TSPAN7: variants seen among roughly 807,000 people sequenced by gnomAD.
TSPAN7 encodes the protein tetraspanin-7.
Under a neutral mutation model 17.6 loss-of-function variants are expected in TSPAN7, and 1 was observed. That is an observed-to-expected ratio of 0.06 (90% confidence interval 0.02 to 0.27). The LOEUF (loss-of-function observed/expected upper bound fraction) is 0.27, where lower values mean the gene tolerates loss of function less well. TSPAN7 is among the 10% of genes least tolerant of loss of function. The pLI is 1.00. For missense variants in TSPAN7, 112 were observed against 201.7 expected (o/e 0.56, Z 2.69); for synonymous variants, 78 against 79.0 (o/e 0.99, Z 0.07).
rs986561918 is a variant in TSPAN7, at chrX:38,682,799, G to A, written c.681+1512G>A. On this transcript the variant is annotated intron_variant, in intron 6 of 7. Transcript: ENST00000378482. ...TGCTACTCTGAAATTTCTTCTAGTT[G>A]CTATAATATTTCAATAATAATACTC... Among the ~76,000 whole-genome samples the A allele has an allele frequency of 4.5e-5, 5 of 111,819 alleles. No homozygotes were observed. The Admixed American group carries it at 4.7e-4, about 11-fold the overall frequency.
chrX:38,599,013 G>A (rs1319631963), intron 1 of TSPAN7, among the ~76,000 whole-genome samples: 1 of 111,685 alleles, frequency 9.0e-6, no homozygotes, highest in African/African-American at 3.2e-5. Context: ...TTCATACAAT[G>A]AGTAGTATAC....
chrX:38,573,755 G>A (rs1024934249), intron 1 of TSPAN7, among the ~76,000 whole-genome samples: 4 of 111,301 alleles, frequency 3.6e-5, no homozygotes, highest in African/African-American at 1.3e-4. Flanking sequence ...ATAGTTTTGA[G>A]GACTACTGCT....
chrX:38,572,125 C>T (rs2069172492), intron 1 of TSPAN7, among the ~76,000 whole-genome samples: 1 of 111,754 alleles, frequency 8.9e-6, no homozygotes, highest in Non-Finnish European at 1.9e-5. Flanking sequence ...GAATTCATTA[C>T]TTACCAAAGT....
intron 2 of TSPAN7, among the ~76,000 whole-genome samples, chrX:38,670,724 G>A (rs1451658511): frequency 8.9e-6 from 1 of 112,413 alleles, no homozygotes; most frequent in Non-Finnish European, 1.9e-5. Flanking sequence ...GAGACTACTG[G>A]AGGCGTTTGC....
At position 38,639,592 on chromosome X, in the gene TSPAN7, T is replaced by G. The variant is rs182066580; in HGVS notation, c.82-26529T>G. ...TGATTTCCTGCTCTCTGTACTCTTG[T>G]GGCACATGGTTGTCTCTCTCTTGGC... On this transcript the variant is annotated intron_variant, in intron 1 of 7. Transcript: ENST00000378482. Among the ~76,000 whole-genome samples, 480 of 105,786 alleles carry G rather than the reference T, an allele frequency of 4.5e-3. 2 individuals are homozygous for G. The highest frequency in any genetic ancestry group is 0.015 in the African/African-American group (437 of 28,833). 91.9% of individuals were successfully genotyped at this position (105,786 alleles called of 115,157 possible).
intron 1 of TSPAN7, among the ~76,000 whole-genome samples, chrX:38,644,438 A>C (rs1255246739): frequency 8.9e-6 from 1 of 111,922 alleles, no homozygotes; most frequent in Admixed American, 9.5e-5. Flanking sequence ...TATCTTTTGC[A>C]TTTCCTTAAT....
intron 6 of TSPAN7, among the ~76,000 whole-genome samples, chrX:38,686,847 G>T (rs756679379): frequency 8.9e-6 from 1 of 112,010 alleles, no homozygotes; most frequent in South Asian, 3.8e-4. Flanking sequence ...ACAAAGACAA[G>T]TGGAGGACTA....
intron 5 of TSPAN7, among the ~76,000 whole-genome samples, chrX:38,680,436 C>G: frequency 9.1e-6 from 1 of 110,161 alleles, no homozygotes; most frequent in Middle Eastern, 4.7e-3. Context: ...TTAGTTGAAG[C>G]CCTTTTCCAG....
chrX:38,659,344 C>T (rs1183259123), intron 1 of TSPAN7, among the ~76,000 whole-genome samples: 1 of 111,672 alleles, frequency 9.0e-6, no homozygotes, highest in Non-Finnish European at 1.9e-5. Context: ...CTTTCCTACC[C>T]CTGCTGCTGG....
At chrX:38,591,058 C>T (rs2147405571) in intron 1 of TSPAN7, among the ~76,000 whole-genome samples, 1 of 110,338 alleles carries the variant, frequency 9.1e-6, no homozygotes, top group East Asian at 2.8e-4. Flanking sequence ...TCATTTTGTT[C>T]CTTCTACTTG....
At chrX:38,681,410 T>G in intron 6 of TSPAN7, 123 bp downstream of exon 6, 1 of 587,008 alleles carries the variant, frequency 1.7e-6, no homozygotes, top group Middle Eastern at 4.2e-4. Flanking sequence ...CAAAGCTCCT[T>G]GCTCATTAGT....
intron 1 of TSPAN7, among the ~76,000 whole-genome samples, chrX:38,595,849 C>T (rs1177951162): frequency 4.5e-5 from 5 of 112,062 alleles, no homozygotes; most frequent in African/African-American, 1.3e-4. Flanking sequence ...TTGTCTGCCC[C>T]TCTGCAGTAG....
At chrX:38,588,451 G>A (rs909384109) in intron 1 of TSPAN7, among the ~76,000 whole-genome samples, 1 of 111,482 alleles carries the variant, frequency 9.0e-6, no homozygotes, top group Non-Finnish European at 1.9e-5. Context: ...GTGCTGAAAT[G>A]ATACTCTGTG....
At chrX:38,610,897 T>C (rs1201433651) in intron 1 of TSPAN7, among the ~76,000 whole-genome samples, 1 of 112,503 alleles carries the variant, frequency 8.9e-6, no homozygotes, top group Non-Finnish European at 1.9e-5. Flanking sequence ...GCCAGCTGTT[T>C]CACTTTATTA....
chrX:38,597,523 C>T (rs751325909), intron 1 of TSPAN7, among the ~76,000 whole-genome samples: 1 of 110,743 alleles, frequency 9.0e-6, no homozygotes, highest in South Asian at 3.8e-4. Context: ...GTGTTGGCTG[C>T]GAGTTAATGA....
At chrX:38,685,134 T>C (rs1483671263) in intron 6 of TSPAN7, among the ~76,000 whole-genome samples, 1 of 111,411 alleles carries the variant, frequency 9.0e-6, no homozygotes, top group Admixed American at 9.5e-5. Context: ...GGGGGGCCCT[T>C]GAGAAGACCT....
chrX:38,619,867 C>G (rs1602101730), intron 1 of TSPAN7, among the ~76,000 whole-genome samples: 2 of 112,320 alleles, frequency 1.8e-5, no homozygotes, highest in Middle Eastern at 9.2e-3. Context: ...AAAGAAAAAT[C>G]ACTAAGGAAG....
intron 1 of TSPAN7, among the ~76,000 whole-genome samples, chrX:38,663,203 T>C (rs2069760145): frequency 9.1e-6 from 1 of 109,866 alleles, no homozygotes; most frequent in East Asian, 2.9e-4. Flanking sequence ...ACACACACCA[T>C]GGAATGCTAC....
intron 1 of TSPAN7, 28 bp downstream of exon 1, chrX:38,561,655 G>T (rs919075481): frequency 4.4e-6 from 5 of 1,145,541 alleles, no homozygotes; most frequent in African/African-American, 3.6e-5. Flanking sequence ...GCCGGTGGCC[G>T]AGTCGCTGTC....
Sources: gnomAD v4.1 joint callset for allele counts (sites outside exome capture counted in the v4.1 genomes callset) on GRCh38, gnomAD v4.1.1 for gene constraint, MANE v1.5 for transcripts, NCBI Gene and HGNC (gene_info 2026-07-23, HGNC 2026-07-21) for gene names.